ADSS2: variants seen among roughly 807,000 people sequenced by gnomAD.
ADSS2 encodes adenylosuccinate synthetase isozyme 2.
ADSS2 carries 30 observed loss-of-function variants against 60.0 expected under a neutral mutation model. That is an observed-to-expected ratio of 0.50 (90% CI 0.37 to 0.68). The LOEUF is 0.68. ADSS2 is among the 30% of genes least tolerant of loss of function. The probability of loss-of-function intolerance (pLI) is 0.00; values close to 1 mark genes in which losing one functional copy is unlikely to be tolerated. For synonymous variants in ADSS2, 187 were observed against 193.1 expected (o/e 0.97, Z 0.26); for missense variants, 373 against 554.8 (o/e 0.67, Z 3.29).
rs184443929 is a variant in ADSS2 at position 244,421,999 on chromosome 1, T to G, written c.663+836A>C. Among the ~76,000 whole-genome samples the G allele has an allele frequency of 2.9e-4, 44 of 152,314 alleles. 1 individual carries two copies. In the East Asian group the frequency reaches 5.4e-3, roughly 19 times the overall value. On this transcript the variant is annotated intron_variant, in intron 7 of 12. Coordinates refer to ENST00000366535, the MANE Select transcript of ADSS2 (RefSeq NM_001126.5). ...AAAAAATAAAATAAAATAAAATATT[T>G]ATTGCATAGCTGAATAAAAAGAAAA... is the stretch of plus-strand genomic sequence containing the variant.
At chr1:244,410,880 T>C (rs1304878968) in intron 12 of ADSS2, among the ~76,000 whole-genome samples, 1 of 152,232 alleles carries the variant, frequency 6.6e-6, no homozygotes, top group Non-Finnish European at 1.5e-5. Flanking sequence ...CTCTGTAAAG[T>C]AACAATGATC....
intron 6 of ADSS2, 70 bp downstream of exon 6, chr1:244,423,883 T>A: frequency 8.1e-7 from 1 of 1,239,836 alleles, no homozygotes; most frequent in Non-Finnish European, 1.1e-6. Flanking sequence ...TGTATCATTT[T>A]GCACCCTAGA....
In ADSS2 at chr1:244,409,330, G is replaced by GAAAAA; in HGVS notation, c.*251_*255dup. 6.4e-6 allele frequency: 2 copies of GAAAAA among 310,396 alleles called. No individual in the cohort carries two copies. Among genetic ancestry groups the GAAAAA allele is most frequent in the South Asian group, 8.0e-5 (1 of 12,518 alleles). 19.2% of individuals were successfully genotyped at this position (310,396 alleles called of 1,614,324 possible). A position where few individuals can be genotyped will look rare whatever the true frequency, so the allele number is the denominator to read the frequency against. On this transcript the variant is annotated 3_prime_UTR_variant, in exon 13 of 13. Transcript: ENST00000366535. ...ATGGATTATACTATTACTAAACATT[G>GAAAAA]AAAAAAAAAACGTGGCACCATGAGA...
chr1:244,415,443 T>C (rs186276221), intron 11 of ADSS2, among the ~76,000 whole-genome samples: 5 of 152,360 alleles, frequency 3.3e-5, no homozygotes, highest in East Asian at 1.9e-4. Context: ...ACAGAAGTCA[T>C]AAGGTAGTCA....
intron 1 of ADSS2, among the ~76,000 whole-genome samples, chr1:244,445,380 C>G (rs962281410): frequency 6.6e-6 from 1 of 152,154 alleles, no homozygotes; most frequent in Non-Finnish European, 1.5e-5. Context: ...CTGTCAAGGA[C>G]AATACTTTAA....
chr1:244,412,744 C>A (rs1466748749), intron 11 of ADSS2, among the ~76,000 whole-genome samples: 1 of 152,204 alleles, frequency 6.6e-6, no homozygotes, highest in African/African-American at 2.4e-5. Context: ...AAAGTCAGAG[C>A]TTTGTTTGGG....
chr1:244,436,745 C>T, intron 3 of ADSS2, 80 bp downstream of exon 3: 1 of 1,248,906 alleles, frequency 8.0e-7, no homozygotes, highest in Non-Finnish European at 1.1e-6. Context: ...ATAAGACAAA[C>T]ATGTTGTTCG....
At chr1:244,438,355 C>T (rs1665153289) in intron 1 of ADSS2, among the ~76,000 whole-genome samples, 2 of 152,164 alleles carry the variant, frequency 1.3e-5, no homozygotes, top group Non-Finnish European at 2.9e-5. Flanking sequence ...ATCCCTAGAA[C>T]CTGCTCATCT....
rs371406196 is a variant in ADSS2, at chr1:244,418,741, T to A, written c.945+19A>T. On this transcript the variant is annotated intron_variant, in intron 9 of 12. Coordinates refer to ENST00000366535, the MANE Select transcript of ADSS2 (RefSeq NM_001126.5). The stretch of plus-strand genomic sequence containing the variant: ...TGAATTTTTAATACATTTTGATTAT[T>A]TACTTAGAATAGGCTTACATTGTCT... 7 of 1,561,224 alleles carry A rather than the reference T, an allele frequency of 4.5e-6. No homozygotes were observed. Among genetic ancestry groups the A allele is most frequent in the Non-Finnish European group, 6.0e-6 (7 of 1,158,742 alleles).
In ADSS2 at chr1:244,418,932, C is replaced by T. The variant is rs200869555; in HGVS notation, c.791-18G>A. 4.5e-5 allele frequency: 71 copies of T among 1,569,944 alleles called. No homozygotes were observed. In the East Asian group the frequency reaches 1.1e-3, roughly 24 times the overall value. On this transcript the variant is annotated intron_variant, in intron 8 of 12. Transcript: ENST00000366535. ...GTAAGTCCCTAAAAACAGAAACAGA[C>T]ATTAAAATATAGTAGACACATGAAT...
intron 7 of ADSS2, among the ~76,000 whole-genome samples, chr1:244,421,537 C>T (rs1186488715): frequency 6.6e-6 from 1 of 152,176 alleles, no homozygotes; most frequent in African/African-American, 2.4e-5. Context: ...ACATACATTA[C>T]CTATAAGAAT....
chr1:244,413,553 T>C (rs1311724653), intron 11 of ADSS2, among the ~76,000 whole-genome samples: 1 of 152,202 alleles, frequency 6.6e-6, no homozygotes, highest in Middle Eastern at 3.2e-3. Context: ...GCAGCTCCAC[T>C]GACCTGGGGA....
chr1:244,423,965 C>G lies in ADSS2; in HGVS notation c.569G>C (p.Gly190Ala). ...RMCDLVSDFD[G>A]FSERFKVLAN... The stretch of plus-strand genomic sequence containing the variant: ...ACAAGTTAGTTACCTCTCAGAGAAG[C>G]CATCAAAGTCAGAAACAAGGTCGCA... Residue 190 changes from glycine (G) to alanine (A), a missense_variant, in exon 6 of 13, where the codon GGC becomes GCC. Around this residue, in one of 5 missense-constraint regions of ADSS2, gnomAD observed 139 missense variants for 189.4 expected, o/e 0.73. Transcript: ENST00000366535. The G allele has an allele frequency of 6.2e-7, 1 of 1,610,658 alleles. No individual in the cohort carries two copies. Among genetic ancestry groups the G allele is most frequent in the Non-Finnish European group, 8.5e-7 (1 of 1,178,806 alleles).
Position 244,417,170 on chromosome 1 carries a change from T to C in ADSS2, c.1070+458A>G, listed in dbSNP as rs558288750. ...CTATGAAGTAGGTAATGCTGTTATATAGATTTCAGAGAGGATAAAACAGAG... is the reference window on the plus strand; with the variant it reads ...CTATGAAGTAGGTAATGCTGTTATACAGATTTCAGAGAGGATAAAACAGAG... On this transcript the variant is annotated intron_variant, in intron 10 of 12. Transcript: ENST00000366535. Among the ~76,000 whole-genome samples the C allele has an allele frequency of 3.9e-5, 6 of 152,308 alleles. No individual in the cohort carries two copies. In the South Asian group the frequency reaches 1.2e-3, roughly 32 times the overall value.
chr1:244,417,678 C>A lies in ADSS2; in HGVS notation c.1020G>T (p.Trp340Cys), dbSNP rs1170569101. Residue 340 changes from tryptophan to cysteine, a missense_variant, in exon 10 of 13, where the codon TGG becomes TGT. Around this residue, in one of 5 missense-constraint regions of ADSS2, gnomAD observed 130 missense variants for 169.4 expected, o/e 0.77. Coordinates refer to ENST00000366535, the MANE Select transcript of ADSS2 (RefSeq NM_001126.5). Reference protein sequence around the residue: ...VTTGRKRRCGWLDLVLLKYAH... With the variant: ...VTTGRKRRCGCLDLVLLKYAH... ...CATATTTGAGCAAAACGAGGTCCAA[C>A]CAGCCACATCTTCTTTTCCTTCCAG... is the stretch of plus-strand genomic sequence containing the variant. 6.2e-7 allele frequency: 1 copy of A among 1,612,852 alleles called. No individual in the cohort carries two copies.
chr1:244,434,950 C>T (rs1665047147), intron 3 of ADSS2, among the ~76,000 whole-genome samples: 1 of 151,778 alleles, frequency 6.6e-6, no homozygotes, highest in African/African-American at 2.4e-5. Flanking sequence ...AGGTGGATCA[C>T]GAAGTCAGGA....
In ADSS2 at chr1:244,438,186, T is replaced by C. The variant is rs2068956; in HGVS notation, c.184-418A>G. On this transcript the variant is annotated intron_variant, in intron 1 of 12. Coordinates refer to ENST00000366535, the MANE Select transcript of ADSS2 (RefSeq NM_001126.5). The stretch of plus-strand genomic sequence containing the variant: ...TCTATCCAGTTACCCTAACTTGATG[T>C]AAATATTCATAGAATTCCCATCATC... Among the ~76,000 whole-genome samples the C allele has an allele frequency of 7.1e-3, 1,076 of 152,322 alleles. 13 individuals are homozygous for C. The highest frequency in any genetic ancestry group is 0.025 in the African/African-American group (1,034 of 41,568).
At chr1:244,411,243 G>A (rs755787843) in intron 12 of ADSS2, 44 bp downstream of exon 12, 4 of 1,551,072 alleles carry the variant, frequency 2.6e-6, no homozygotes, top group Non-Finnish European at 3.5e-6. Context: ...AAAAAAGAGA[G>A]AGAGAGAAAA....
chr1:244,449,739 T>C (rs763298268), intron 1 of ADSS2, among the ~76,000 whole-genome samples: 1 of 152,184 alleles, frequency 6.6e-6, no homozygotes, highest in Non-Finnish European at 1.5e-5. Context: ...AAGTCAAAAA[T>C]ACACAGGTGA....
Sources: gnomAD v4.1 joint callset for allele counts (sites outside exome capture counted in the v4.1 genomes callset) on GRCh38, gnomAD v4.1.1 for gene constraint, gnomAD v4.1.1 regional missense constraint, MANE v1.5 for transcripts, NCBI Gene and HGNC (gene_info 2026-07-23, HGNC 2026-07-21) for gene names.